ANKS1B: variants seen among roughly 807,000 people sequenced by gnomAD.
ANKS1B encodes the protein ankyrin repeat and sterile alpha motif domain-containing protein 1B.
In ANKS1B, 36 loss-of-function variants were observed where a neutral mutation model predicts 148.3. The observed-to-expected ratio is 0.24, with a 90% CI of 0.19 to 0.32. The LOEUF is 0.32. ANKS1B is among the 10% of genes least tolerant of loss of function. The probability of loss-of-function intolerance (pLI) is 1.00; values close to 1 mark genes in which losing one functional copy is unlikely to be tolerated. For missense variants in ANKS1B, 1,157 were observed against 1,542.6 expected, an observed-to-expected ratio of 0.75 and a Z score of 4.19; for synonymous variants, 542 against 560.8, an observed-to-expected ratio of 0.97 and a Z score of 0.47.
At position 99,163,495 on chromosome 12, in the gene ANKS1B, GTGTGTGTGTT is replaced by G. The variant is rs1164704942; in HGVS notation, c.2420-9110_2420-9101del. ...TGTGTGTGTGTGTGTGTGTGTGTGT[GTGTGTGTGTT>G]TAGTTCTGTACAATTTTATCACACG... On this transcript the variant is annotated intron_variant, in intron 14 of 26. Transcript: ENST00000683438. Among the ~76,000 whole-genome samples the G allele has an allele frequency of 3.5e-3, 528 of 148,770 alleles. 2 individuals are homozygous for G. Among genetic ancestry groups the G allele is most frequent in the African/African-American group, 0.012 (460 of 39,328 alleles).
At chr12:99,783,606 T>C (rs1459022008) in intron 4 of ANKS1B, among the ~76,000 whole-genome samples, 1 of 152,200 alleles carries the variant, frequency 6.6e-6, no homozygotes, top group African/African-American at 2.4e-5. Flanking sequence ...GAGAATATTA[T>C]GTTAAGTGAA....
At chr12:98,735,539 C>CTA (rs1463768375) in exon 10 of ANKS1B, 2 of 757,768 alleles carry the variant, frequency 2.6e-6, no homozygotes, top group African/African-American at 1.7e-5. Context: ...GCTTTATCAG[C>CTA]TATATGTAAA....
chr12:99,655,236 A>G, intron 8 of ANKS1B, 26 bp from the exon 9 acceptor site: 9 of 1,519,424 alleles, frequency 5.9e-6, no homozygotes, highest in Non-Finnish European at 8.1e-6. Context: ...TATCATACCA[A>G]TATATTATAT....
At chr12:99,811,106 A>T (rs2068301053) in intron 3 of ANKS1B, among the ~76,000 whole-genome samples, 1 of 151,976 alleles carries the variant, frequency 6.6e-6, no homozygotes, top group South Asian at 2.1e-4. Context: ...TTTTCCAATT[A>T]ATAAAATGTT....
intron 11 of ANKS1B, among the ~76,000 whole-genome samples, chr12:99,439,483 C>T (rs2095514450): frequency 6.6e-6 from 1 of 150,720 alleles, no homozygotes; most frequent in African/African-American, 2.4e-5. Flanking sequence ...GCTGAACACC[C>T]CTAAAAAAAA....
At chr12:99,719,490 C>T (rs926818535) in intron 8 of ANKS1B, among the ~76,000 whole-genome samples, 4 of 152,140 alleles carry the variant, frequency 2.6e-5, no homozygotes, top group African/African-American at 4.8e-5. Flanking sequence ...ACGGCAGTTC[C>T]ACCAGGCCTA....
intron 10 of ANKS1B, among the ~76,000 whole-genome samples, chr12:99,464,622 G>A (rs543024949): frequency 6.6e-6 from 1 of 152,314 alleles, no homozygotes; most frequent in Non-Finnish European, 1.5e-5. Flanking sequence ...TGAAAGCCAA[G>A]GCTCGAGAAC....
chr12:99,959,077 A>G (rs2095367301), intron 1 of ANKS1B, among the ~76,000 whole-genome samples: 1 of 140,172 alleles, frequency 7.1e-6, no homozygotes, highest in South Asian at 2.3e-4. Flanking sequence ...TTTTTTTGAG[A>G]CAGAGTCTCA....
At chr12:99,057,669 C>T (rs901666970) in intron 16 of ANKS1B, among the ~76,000 whole-genome samples, 2 of 152,166 alleles carry the variant, frequency 1.3e-5, no homozygotes, top group Admixed American at 1.3e-4. Flanking sequence ...CATTATGTCT[C>T]AGTGTGGCTG....
chr12:99,775,202 T>G (rs1252705926), intron 7 of ANKS1B, among the ~76,000 whole-genome samples: 1 of 152,172 alleles, frequency 6.6e-6, no homozygotes, highest in Non-Finnish European at 1.5e-5. Flanking sequence ...CTATGTTAAT[T>G]AGCTTGATTT....
At chr12:99,800,310 G>C (rs1386171752) in intron 4 of ANKS1B, among the ~76,000 whole-genome samples, 3 of 152,034 alleles carry the variant, frequency 2.0e-5, no homozygotes, top group Non-Finnish European at 2.9e-5. Context: ...CCCTCACTCA[G>C]GAATGGAATT....
At chr12:99,869,907 C>G (rs1284690959) in intron 1 of ANKS1B, among the ~76,000 whole-genome samples, 1 of 152,050 alleles carries the variant, frequency 6.6e-6, no homozygotes, top group Non-Finnish European at 1.5e-5. Flanking sequence ...TTTTCTTTTT[C>G]TGTCCTTTAA....
intron 1 of ANKS1B, among the ~76,000 whole-genome samples, chr12:99,845,320 T>A (rs1256396414): frequency 1.3e-5 from 2 of 152,118 alleles, no homozygotes; most frequent in Non-Finnish European, 2.9e-5. Context: ...CAAGGGGAAT[T>A]CTTCCAGCTT....
rs58248573 is a variant in ANKS1B at position 99,805,263 on chromosome 12, C to CAAAAAAAAAAAAAAAA, written c.669+1125_669+1140dup. On this transcript the variant is annotated intron_variant, in intron 4 of 26. Coordinates refer to ENST00000683438, the MANE Select transcript of ANKS1B (RefSeq NM_001352186.2). ...AAATAACCATGAAAGGAGGAAAAGGCAAAAAAAAAAAAAAAAAAAAAAAAA... is the reference window on the plus strand; with the variant it reads ...AAATAACCATGAAAGGAGGAAAAGGCAAAAAAAAAAAAAAAAAAAAAAAAAAAAAAAAAAAAAAAAA... Among the ~76,000 whole-genome samples, 18 of 28,914 alleles carry CAAAAAAAAAAAAAAAA rather than the reference C, an allele frequency of 6.2e-4. 2 individuals carry two copies. Among genetic ancestry groups the CAAAAAAAAAAAAAAAA allele is most frequent in the Admixed American group, 1.2e-3 (2 of 1,682 alleles). 19.0% of individuals were successfully genotyped at this position (28,914 alleles called of 152,430 possible). A position where few individuals can be genotyped will look rare whatever the true frequency, so the allele number is the denominator to read the frequency against.
At chr12:99,382,554 C>T (rs1008016050) in intron 12 of ANKS1B, among the ~76,000 whole-genome samples, 11 of 151,852 alleles carry the variant, frequency 7.2e-5, no homozygotes, top group African/African-American at 1.2e-4. Flanking sequence ...AAAAATTAGC[C>T]GTTCATAGTG....
At chr12:98,736,434 G>A (rs545611886) in intron 9 of ANKS1B, among the ~76,000 whole-genome samples, 234 of 152,272 alleles carry the variant, frequency 1.5e-3, no homozygotes, top group Non-Finnish European at 2.5e-3. Context: ...GAGAGTTGCC[G>A]TCAGCTGAGA....
chr12:99,004,616 G>T (rs2099935025), intron 17 of ANKS1B, among the ~76,000 whole-genome samples: 1 of 151,884 alleles, frequency 6.6e-6, no homozygotes. Context: ...TGAGAGGAAG[G>T]TGGGGTGCGG....
At chr12:99,718,028 C>T (rs1012813469) in intron 8 of ANKS1B, among the ~76,000 whole-genome samples, 7 of 151,236 alleles carry the variant, frequency 4.6e-5, no homozygotes, top group Admixed American at 1.3e-4. Flanking sequence ...CTCAGCCTCC[C>T]GAGTAGCTGG....
chr12:99,828,385 A>C (rs916410352), intron 1 of ANKS1B, among the ~76,000 whole-genome samples: 1 of 152,154 alleles, frequency 6.6e-6, no homozygotes, highest in Non-Finnish European at 1.5e-5. Context: ...CCAGCACACC[A>C]TTCAAAGGCC....
Sources: allele counts gnomAD v4.1 joint callset (sites outside exome capture counted in the v4.1 genomes callset), GRCh38; gene constraint gnomAD v4.1.1; transcripts MANE v1.5; gene names NCBI Gene and HGNC (gene_info 2026-07-23, HGNC 2026-07-21).